The following CDC42BPB variants were observed in gnomAD, a reference collection of about 807,000 sequenced individuals.
CDC42BPB encodes the protein CDC42 binding protein kinase beta.
In CDC42BPB, 37 loss-of-function variants were observed where a neutral mutation model predicts 214.9. The ratio of observed to expected loss-of-function variants is 0.17; its 90% CI spans 0.13 to 0.23. The LOEUF (loss-of-function observed/expected upper bound fraction) is 0.23. CDC42BPB is among the 10% of genes least tolerant of loss of function. CDC42BPB has a pLI of 1.00. For missense variants in CDC42BPB, 1,694 were observed against 2,227.0 expected (o/e 0.76, Z 4.82); for synonymous variants, 931 against 884.0 (o/e 1.05, Z -0.94).
At chr14:102,988,840 C>G (rs1365657926) in intron 5 of CDC42BPB, among the ~76,000 whole-genome samples, 5 of 130,094 alleles carry the variant, frequency 3.8e-5, no homozygotes, top group African/African-American at 1.4e-4. Flanking sequence ...AGTAAAAATA[C>G]TAAAAAACAA....
At chr14:102,950,071 A>C in intron 25 of CDC42BPB, 167 bp from the exon 26 acceptor site, 1 of 985,474 alleles carries the variant, frequency 1.0e-6, no homozygotes, top group Non-Finnish European at 1.2e-6. Flanking sequence ...GGAGGGGTCC[A>C]TGCGTGGCAG....
At chr14:103,027,751 C>T (rs1362077886) in intron 1 of CDC42BPB, among the ~76,000 whole-genome samples, 1 of 152,176 alleles carries the variant, frequency 6.6e-6, no homozygotes, top group Non-Finnish European at 1.5e-5. Context: ...GTACAAGGCT[C>T]AGGGGCAATG....
chr14:103,050,471 C>T (rs746677525), intron 1 of CDC42BPB, among the ~76,000 whole-genome samples: 6 of 152,118 alleles, frequency 3.9e-5, no homozygotes, highest in Non-Finnish European at 7.4e-5. Flanking sequence ...TCCCCAAATT[C>T]CTAACATAGC....
intron 21 of CDC42BPB, among the ~76,000 whole-genome samples, chr14:102,957,024 CAAAAAAAAAAAA>C (rs1183767118): frequency 4.2e-5 from 2 of 48,158 alleles, no homozygotes; most frequent in Admixed American, 2.8e-4. Flanking sequence ...ACTAAAAATA[CAAAAAAAAAAAA>C]AAAAAAAAAA....
chr14:102,950,493 G>A lies in CDC42BPB; in HGVS notation c.3282C>T (p.Ile1094=), dbSNP rs371159815. 1.6e-5 allele frequency: 26 copies of A among 1,613,114 alleles called. No homozygotes were observed. Among genetic ancestry groups the A allele is most frequent in the Admixed American group, 8.3e-5 (5 of 59,992 alleles). The change falls in exon 25 of 37, where the codon ATC becomes ATT. Residue 1094 remains isoleucine, a synonymous_variant. Coordinates refer to ENST00000361246, the MANE Select transcript of CDC42BPB (RefSeq NM_006035.4). The part of the protein sequence containing the change: ...RPLGVDVQRG[I]GTAYKGHVKV... ...TGACATGGCCTTTGTAGGCTGTTCC[G>A]ATGCCTCGCTGCACGTCCACGCCCA...
At chr14:102,968,913 G>A in intron 14 of CDC42BPB, 197 bp from the exon 15 acceptor site, 1 of 985,312 alleles carries the variant, frequency 1.0e-6, no homozygotes, top group Non-Finnish European at 1.2e-6. Context: ...CGGCCTTGCA[G>A]GGGGATGTGC....
chr14:103,012,882 G>A (rs977548850), intron 1 of CDC42BPB, among the ~76,000 whole-genome samples: 7 of 152,212 alleles, frequency 4.6e-5, no homozygotes, highest in Admixed American at 2.6e-4. Context: ...ACTGTCGCAC[G>A]CTGCACAGGT....
Position 103,008,481 on chromosome 14 carries a change from T to C in CDC42BPB, c.342A>G (p.Lys114=). The C allele has an allele frequency of 1.2e-6, 2 of 1,606,962 alleles. No homozygotes were observed. Among genetic ancestry groups the C allele is most frequent in the East Asian group, 2.2e-5 (1 of 44,862 alleles). ...CAAGCTCCATACTTACCTCTGCTCTTTTCAGCATCTCCCACTTGTTGAGGA... is the reference window on the plus strand; with the variant it reads ...CAAGCTCCATACTTACCTCTGCTCTCTTCAGCATCTCCCACTTGTTGAGGA... ...MKILNKWEML[K]RAETACFREE... is the part of the protein sequence containing the mutation. The change falls in exon 3 of 37, where the codon AAA becomes AAG. Residue 114 remains lysine (K), a synonymous_variant. Coordinates refer to ENST00000361246, the MANE Select transcript of CDC42BPB (RefSeq NM_006035.4).
At chr14:102,938,535 G>A in intron 34 of CDC42BPB, 124 bp from the exon 35 acceptor site, 2 of 1,433,422 alleles carry the variant, frequency 1.4e-6, no homozygotes, top group Admixed American at 3.0e-5. Flanking sequence ...GGGCCAAGAG[G>A]GCTCTCTGGA....
At position 102,939,788 on chromosome 14, in the gene CDC42BPB, C is replaced by G. The variant is rs775397673; in HGVS notation, c.4709+42G>C. On this transcript the variant is annotated intron_variant, in intron 33 of 36. Transcript: ENST00000361246. ...CGTGAGAATCCTCTTGGCCCCCTCC[C>G]TAGAGCGAGGCCCAGCAGGCCCCGT... 21 of 1,614,014 alleles carry G rather than the reference C, an allele frequency of 1.3e-5. No homozygotes were observed. In the South Asian group the frequency reaches 1.5e-4, roughly 12 times the overall value.
chr14:102,959,469 AT>A, intron 21 of CDC42BPB, among the ~76,000 whole-genome samples, 161 bp downstream of exon 21: 1 of 152,242 alleles, frequency 6.6e-6, no homozygotes, highest in South Asian at 2.1e-4. Context: ...ATGTGGGTTG[AT>A]TACATGTGGG....
chr14:102,983,015 A>G lies in CDC42BPB; in HGVS notation c.891+541T>C, dbSNP rs573322075. Among the ~76,000 whole-genome samples the G allele has an allele frequency of 2.6e-5, 4 of 152,326 alleles. 1 individual carries two copies. Among genetic ancestry groups the G allele is most frequent in the Middle Eastern group, 6.8e-3 (2 of 294 alleles). ...AAGTGAGAAAGTGAACAGTTCGGAA[A>G]GGGAAGGAGGAAAAGAGGAAACAGG... On this transcript the variant is annotated intron_variant, in intron 7 of 36. Coordinates refer to ENST00000361246, the MANE Select transcript of CDC42BPB (RefSeq NM_006035.4).
chr14:102,964,687 A>T (rs910459638), intron 18 of CDC42BPB, 37 bp from the exon 19 acceptor site: 8 of 1,567,126 alleles, frequency 5.1e-6, no homozygotes, highest in African/African-American at 1.4e-5. Flanking sequence ...ATGCATTTTC[A>T]GTTATCCGCT....
At chr14:102,940,168 A>G (rs371648967) in intron 31 of CDC42BPB, 38 bp from the exon 32 acceptor site, 9 of 1,613,852 alleles carry the variant, frequency 5.6e-6, no homozygotes, top group Non-Finnish European at 7.6e-6. Context: ...AAGCGCGGCC[A>G]CGCACAGACT....
intron 5 of CDC42BPB, among the ~76,000 whole-genome samples, chr14:102,993,298 G>T (rs1293655090): frequency 6.6e-6 from 1 of 152,170 alleles, no homozygotes; most frequent in Non-Finnish European, 1.5e-5. Context: ...GTGTTGGGAA[G>T]AAAGGCAGGT....
In CDC42BPB at chr14:103,004,150, C is replaced by G; in HGVS notation, c.352-127G>C. On this transcript the variant is annotated intron_variant, in intron 3 of 36. Coordinates refer to ENST00000361246, the MANE Select transcript of CDC42BPB (RefSeq NM_006035.4). This position sits in a 1 kb window ranked among gnomAD's most constrained non-coding sequence, Gnocchi z 5.3. The stretch of plus-strand genomic sequence containing the variant: ...GGTGTCCCTGCCTTCCGGGCTCCTC[C>G]TCGTGCACCACCCCGAGGCTGCTGA... 7.1e-7 allele frequency: 1 copy of G among 1,406,480 alleles called. No homozygotes were observed. The highest frequency in any genetic ancestry group is 9.3e-7 in the Non-Finnish European group (1 of 1,075,596). 87.1% of individuals were successfully genotyped at this position (1,406,480 alleles called of 1,614,324 possible).
intron 1 of CDC42BPB, among the ~76,000 whole-genome samples, chr14:103,048,076 C>T (rs1024076895): frequency 6.6e-6 from 1 of 152,104 alleles, no homozygotes; most frequent in African/African-American, 2.4e-5. Context: ...GAATGAAAAG[C>T]ACTCCAAGGA....
At chr14:102,990,994 T>C (rs1012396400) in intron 5 of CDC42BPB, among the ~76,000 whole-genome samples, 6 of 152,214 alleles carry the variant, frequency 3.9e-5, no homozygotes, top group African/African-American at 1.4e-4. Context: ...CTGGAGTTTG[T>C]GAGTCAATCT....
intron 5 of CDC42BPB, among the ~76,000 whole-genome samples, chr14:102,999,251 G>A (rs1212912332): frequency 6.6e-6 from 1 of 150,912 alleles, no homozygotes; most frequent in Non-Finnish European, 1.5e-5. Context: ...GCCCACGTGA[G>A]CCCCAGGGAG....
Sources: gnomAD v4.1 joint callset for allele counts (sites outside exome capture counted in the v4.1 genomes callset) on GRCh38, gnomAD v4.1.1 for gene constraint, Gnocchi (gnomAD v3.1) non-coding constraint, MANE v1.5 for transcripts, NCBI Gene and HGNC (gene_info 2026-07-23, HGNC 2026-07-21) for gene names.